The following DOCK7 variants were observed in gnomAD, a reference collection of about 807,000 sequenced individuals.
DOCK7 encodes dedicator of cytokinesis 7.
DOCK7 carries 138 observed loss-of-function variants against 271.0 expected under a neutral mutation model. That is an observed-to-expected ratio of 0.51 (90% CI 0.44 to 0.59). The LOEUF (loss-of-function observed/expected upper bound fraction) is 0.59. Ranked by LOEUF, DOCK7 falls within the 20% of genes least tolerant of loss-of-function variation. The probability of loss-of-function intolerance (pLI) is 0.00; values close to 1 mark genes in which losing one functional copy is unlikely to be tolerated. For missense variants in DOCK7, 2,066 were observed against 2,592.4 expected, an observed-to-expected ratio of 0.80 and a Z score of 4.41; for synonymous variants, 823 against 876.1, an observed-to-expected ratio of 0.94 and a Z score of 1.07.
chr1:62,578,445 C>T (rs1305469007), intron 17 of DOCK7, among the ~76,000 whole-genome samples: 2 of 151,852 alleles, frequency 1.3e-5, no homozygotes, highest in African/African-American at 2.4e-5. Flanking sequence ...ACAGGCCAGG[C>T]GCCATGGCTC....
intron 1 of DOCK7, among the ~76,000 whole-genome samples, chr1:62,682,628 C>A (rs1286241368): frequency 6.6e-6 from 1 of 152,118 alleles, no homozygotes; most frequent in Non-Finnish European, 1.5e-5. Flanking sequence ...CCCTATAATT[C>A]AAGTACACAT....
intron 25 of DOCK7, 50 bp downstream of exon 25, chr1:62,542,558 T>C: frequency 1.3e-6 from 2 of 1,537,712 alleles, no homozygotes; most frequent in Non-Finnish European, 1.8e-6. Flanking sequence ...TAGCATAAAA[T>C]TGTTCACTAA....
chr1:62,593,775 G>A (rs1235865567), intron 14 of DOCK7, among the ~76,000 whole-genome samples: 1 of 152,106 alleles, frequency 6.6e-6, no homozygotes, highest in Non-Finnish European at 1.5e-5. Context: ...CTTGATAGGT[G>A]AGTGGTTCTA....
intron 48 of DOCK7, among the ~76,000 whole-genome samples, chr1:62,462,282 T>C (rs1217367977): frequency 6.6e-6 from 1 of 152,034 alleles, no homozygotes; most frequent in African/African-American, 2.4e-5. Flanking sequence ...GTGCATGGAG[T>C]GAAAAATTGA....
Position 62,551,872 on chromosome 1 carries a change from C to CAT in DOCK7, c.2766+858_2766+859dup, listed in dbSNP as rs549662240. ...CTTGAAAAAAGGCAAAAAATCATTACATATATATATAGGCCTCTTTGTTCT... is the reference window on the plus strand; with the variant it reads ...CTTGAAAAAAGGCAAAAAATCATTACATATATATATATAGGCCTCTTTGTTCT... On this transcript the variant is annotated intron_variant, in intron 22 of 49. Coordinates refer to ENST00000635253, the MANE Select transcript of DOCK7 (RefSeq NM_001367561.1). Among the ~76,000 whole-genome samples, 14 of 151,070 alleles carry CAT rather than the reference C, an allele frequency of 9.3e-5. No individual in the cohort carries two copies. The South Asian group carries it at 2.7e-3, about 29-fold the overall frequency.
chr1:62,670,015 G>T (rs1286952725), intron 1 of DOCK7, among the ~76,000 whole-genome samples: 1 of 152,246 alleles, frequency 6.6e-6, no homozygotes, highest in Non-Finnish European at 1.5e-5. Context: ...CCCGGGCAAT[G>T]GGGGACTTAG....
At chr1:62,656,375 C>T (rs1042550818) in intron 2 of DOCK7, among the ~76,000 whole-genome samples, 3 of 152,000 alleles carry the variant, frequency 2.0e-5, no homozygotes, top group East Asian at 1.9e-4. Flanking sequence ...ACAAGCCACA[C>T]TAAGAGAAAG....
chr1:62,636,699 G>A (rs1655318145), intron 7 of DOCK7, 96 bp from the exon 8 acceptor site: 2 of 1,055,862 alleles, frequency 1.9e-6, no homozygotes, highest in Non-Finnish European at 2.8e-6. Context: ...ACAATACTTG[G>A]CAGTTTTCTA....
In DOCK7 at chr1:62,653,801, A is replaced by G. The variant is rs1453610262; in HGVS notation, c.321-8T>C. On this transcript the variant is annotated splice_region_variant and splice_polypyrimidine_tract_variant and intron_variant, in intron 3 of 49. Coordinates refer to ENST00000635253, the MANE Select transcript of DOCK7 (RefSeq NM_001367561.1). Reference sequence around the variant, plus strand: ...ACATGTGGATCCATTTCACTATTTTAAAAAGGAAAATACATTTGTAATTTA... The same window carrying G: ...ACATGTGGATCCATTTCACTATTTTGAAAAGGAAAATACATTTGTAATTTA... 1.3e-6 allele frequency: 2 copies of G among 1,573,752 alleles called. No individual in the cohort carries two copies. Among genetic ancestry groups the G allele is most frequent in the Non-Finnish European group, 1.7e-6 (2 of 1,145,384 alleles).
At chr1:62,466,817 A>G (rs1645690777) in intron 48 of DOCK7, among the ~76,000 whole-genome samples, 1 of 152,114 alleles carries the variant, frequency 6.6e-6, no homozygotes, top group African/African-American at 2.4e-5. Context: ...GCTACTCAGG[A>G]GGCTGAGGCA....
At chr1:62,623,803 G>A (rs1409558614) in intron 12 of DOCK7, among the ~76,000 whole-genome samples, 1 of 152,110 alleles carries the variant, frequency 6.6e-6, no homozygotes, top group Non-Finnish European at 1.5e-5. Flanking sequence ...ATTTATCACT[G>A]GCTTTTTTTC....
chr1:62,494,436 G>C lies in DOCK7; in HGVS notation c.5056C>G (p.Leu1686Val). The change falls in exon 40 of 50, where the codon CTG becomes GTG. Residue 1686 changes from leucine (L) to valine (V), a missense_variant. Physicochemically the swap from Leu to Val is conservative, Grantham distance 32. Around this residue, in one of 2 missense-constraint regions of DOCK7, gnomAD observed 652 missense variants for 922.1 expected, o/e 0.71. Coordinates refer to ENST00000635253, the MANE Select transcript of DOCK7 (RefSeq NM_001367561.1). Reference sequence around the variant, plus strand: ...ATGTTCTGCAACCAGGTCAATCGCAGATCTGGAGAGGTCTGGTAACCCTTG... The same window carrying C: ...ATGTTCTGCAACCAGGTCAATCGCACATCTGGAGAGGTCTGGTAACCCTTG... Reference protein sequence around the residue: ...IAKGYQTSPDLRLTWLQNMAG... With the variant: ...IAKGYQTSPDVRLTWLQNMAG... 1 of 1,611,696 alleles carries C rather than the reference G, an allele frequency of 6.2e-7. No individual in the cohort carries two copies. The highest frequency in any genetic ancestry group is 8.5e-7 in the Non-Finnish European group (1 of 1,178,184).
At chr1:62,474,235 G>T in intron 47 of DOCK7, 147 bp from the exon 48 acceptor site, 1 of 587,128 alleles carries the variant, frequency 1.7e-6, no homozygotes, top group Non-Finnish European at 3.0e-6. Context: ...AAACTCCACA[G>T]ACTATTTCAG....
chr1:62,598,219 A>G (rs1206166782), intron 14 of DOCK7, among the ~76,000 whole-genome samples: 2 of 152,046 alleles, frequency 1.3e-5, no homozygotes, highest in Non-Finnish European at 2.9e-5. Flanking sequence ...TTCCTATTAT[A>G]ATTTCAAGTT....
At chr1:62,643,112 T>C (rs1327786761) in intron 7 of DOCK7, among the ~76,000 whole-genome samples, 1 of 151,422 alleles carries the variant, frequency 6.6e-6, no homozygotes, top group Admixed American at 6.6e-5. Flanking sequence ...GGGAAAAGCA[T>C]AGCTACTTTC....
At chr1:62,457,403 A>C in intron 49 of DOCK7, 135 bp downstream of exon 49, 2 of 872,540 alleles carry the variant, frequency 2.3e-6, no homozygotes, top group African/African-American at 3.4e-5. Flanking sequence ...AATATTCCAA[A>C]ATCTGAAACC....
intron 18 of DOCK7, among the ~76,000 whole-genome samples, chr1:62,563,490 A>G (rs1646401838): frequency 1.3e-5 from 2 of 152,208 alleles, no homozygotes; most frequent in Non-Finnish European, 1.5e-5. Flanking sequence ...GCAATTATGA[A>G]TGTCTTTTAA....
intron 18 of DOCK7, among the ~76,000 whole-genome samples, chr1:62,564,004 G>C (rs1390771757): frequency 1.3e-5 from 2 of 151,502 alleles, no homozygotes; most frequent in African/African-American, 4.9e-5. Context: ...AGGGATCAAT[G>C]CAATAACAAG....
At chr1:62,659,093 G>C (rs1658366297) in intron 2 of DOCK7, among the ~76,000 whole-genome samples, 1 of 152,154 alleles carries the variant, frequency 6.6e-6, no homozygotes. Flanking sequence ...ATAATAAAAG[G>C]TATCTGGAAA....
Sources: gnomAD v4.1 joint callset for allele counts (sites outside exome capture counted in the v4.1 genomes callset) on GRCh38, gnomAD v4.1.1 for gene constraint, gnomAD v4.1.1 regional missense constraint, MANE v1.5 for transcripts, NCBI Gene and HGNC (gene_info 2026-07-23, HGNC 2026-07-21) for gene names.